Variants in CEACAM21 observed in about 807,000 individuals in gnomAD.
CEACAM21 encodes cell adhesion molecule CEACAM21.
Under a neutral mutation model 33.2 loss-of-function variants are expected in CEACAM21, and 38 were observed. That is an observed-to-expected ratio of 1.14 (90% CI 0.88 to 1.50). The LOEUF is 1.50. CEACAM21 is among the 40% of genes most tolerant of loss of function. The probability of loss-of-function intolerance (pLI) is 0.00; values close to 1 mark genes in which losing one functional copy is unlikely to be tolerated. For missense variants in CEACAM21, 385 were observed against 364.6 expected (o/e 1.06, Z -0.46); for synonymous variants, 156 against 143.0 (o/e 1.09, Z -0.65).
intron 1 of CEACAM21, among the ~76,000 whole-genome samples, chr19:41,563,519 T>A (rs1390635022): frequency 6.6e-6 from 1 of 152,198 alleles, no homozygotes; most frequent in Non-Finnish European, 1.5e-5. Context: ...AGGTCGCACA[T>A]GCAGAAGAGA....
chr19:41,562,789 C>T (rs2041973618), intron 1 of CEACAM21, among the ~76,000 whole-genome samples: 1 of 151,758 alleles, frequency 6.6e-6, no homozygotes, highest in Non-Finnish European at 1.5e-5. Context: ...AGTGCAGTGG[C>T]GCGATCTCGG....
intron 1 of CEACAM21, 81 bp downstream of exon 1, chr19:41,576,419 T>A (rs995604363): frequency 1.3e-5 from 19 of 1,445,464 alleles, no homozygotes; most frequent in Non-Finnish European, 1.8e-5. Context: ...GATGGGGCTC[T>A]GAGAGGAGAC....
chr19:41,566,059 T>C (rs1380976774), intron 2 of CEACAM21, among the ~76,000 whole-genome samples: 2 of 151,994 alleles, frequency 1.3e-5, no homozygotes, highest in East Asian at 3.8e-4. Context: ...GAATTAAAAT[T>C]GTAAACAGAA....
At chr19:41,550,246 A>G (rs1555783892) in intron 1 of CEACAM21, 2 of 152,248 alleles carry the variant, frequency 1.3e-5, no homozygotes, top group Non-Finnish European at 2.9e-5. Context: ...ATACCACTGG[A>G]AAACCTTAAA....
chr19:41,558,104 T>C (rs1198453294), intron 1 of CEACAM21, among the ~76,000 whole-genome samples: 4 of 152,170 alleles, frequency 2.6e-5, no homozygotes, highest in African/African-American at 9.7e-5. Context: ...TGCAATTCCT[T>C]TTTTCAGTGT....
chr19:41,566,643 G>T (rs1555788396), intron 2 of CEACAM21, among the ~76,000 whole-genome samples: 3 of 152,102 alleles, frequency 2.0e-5, no homozygotes, highest in Admixed American at 1.3e-4. Flanking sequence ...GTGTGGTTTT[G>T]GTATCATGCT....
At chr19:41,564,529 G>A (rs899194604) in intron 1 of CEACAM21, among the ~76,000 whole-genome samples, 4 of 152,110 alleles carry the variant, frequency 2.6e-5, no homozygotes, top group African/African-American at 4.8e-5. Flanking sequence ...AACGGTAGGA[G>A]TAGTGGAATT....
Position 41,577,575 on chromosome 19 carries a change from G to GT in CEACAM21, c.424+17dup. The stretch of plus-strand genomic sequence containing the variant: ...CGTGTATACGGTGAGTGATTCCTCC[G>GT]TGCCTCTGGGTGTTGGGGGTCAGTT... On this transcript the variant is annotated intron_variant, in intron 2 of 6. Transcript: ENST00000401445. 1 of 1,610,956 alleles carries GT rather than the reference G, an allele frequency of 6.2e-7. No homozygotes were observed. Among genetic ancestry groups the GT allele is most frequent in the Non-Finnish European group, 8.5e-7 (1 of 1,179,448 alleles).
chr19:41,549,725 A>G (rs1555783797), intron 1 of CEACAM21, among the ~76,000 whole-genome samples: 5 of 151,884 alleles, frequency 3.3e-5, no homozygotes. Flanking sequence ...GTTTCCCTCT[A>G]TTGCCCTGGC....
chr19:41,556,260 A>G (rs1291839632), intron 1 of CEACAM21, among the ~76,000 whole-genome samples: 1 of 152,268 alleles, frequency 6.6e-6, no homozygotes, highest in African/African-American at 2.4e-5. Context: ...CCAAGCACCT[A>G]TTTGTTTTAA....
At chr19:41,576,084 G>C (rs184847922), upstream of CEACAM21, 282 of 627,292 alleles carry the variant, frequency 4.5e-4, no homozygotes, top group African/African-American at 3.8e-3. Flanking sequence ...GACTGAGAGG[G>C]GAGGGGACAG....
At chr19:41,579,669 T>G in intron 3 of CEACAM21, 41 bp downstream of exon 3, 1 of 1,377,838 alleles carries the variant, frequency 7.3e-7, no homozygotes, top group Non-Finnish European at 9.8e-7. Context: ...TCCTTGTATA[T>G]TTTCCTAGGA....
chr19:41,560,717 G>T (rs1470501664), intron 1 of CEACAM21, among the ~76,000 whole-genome samples: 1 of 152,178 alleles, frequency 6.6e-6, no homozygotes, highest in Non-Finnish European at 1.5e-5. Context: ...GTGACTTAAA[G>T]AAAGTAAATC....
intron 1 of CEACAM21, among the ~76,000 whole-genome samples, chr19:41,553,080 T>G (rs887187777): frequency 5.9e-5 from 9 of 152,060 alleles, no homozygotes; most frequent in Non-Finnish European, 1.3e-4. Context: ...TACTATAGTT[T>G]CCAAAAGTTT....
chr19:41,577,246 T>C lies in CEACAM21; in HGVS notation c.111T>C (p.Phe37=), dbSNP rs2043017344. 1.9e-6 allele frequency: 3 copies of C among 1,614,034 alleles called. No individual in the cohort carries two copies. In the African/African-American group the frequency reaches 4.0e-5, roughly 22 times the overall value. Residue 37 remains phenylalanine (F), a synonymous_variant, in exon 2 of 7, where the codon TTT becomes TTC. Transcript: ENST00000401445. ...ACGCACCCACCACTGCCTGGCTCTT[T>C]ATTGCATCAGCGCCCTTTGAAGTTG... The part of the protein sequence containing the change: ...FWNAPTTAWL[F]IASAPFEVAE...
chr19:41,577,612 A>G (rs1311106131), intron 2 of CEACAM21, 53 bp downstream of exon 2: 3 of 1,602,376 alleles, frequency 1.9e-6, no homozygotes, highest in Non-Finnish European at 2.5e-6. Context: ...TGCTTCACAT[A>G]CGCAGGATTG....
At chr19:41,558,712 AAATT>A (rs1297465355) in intron 1 of CEACAM21, among the ~76,000 whole-genome samples, 1 of 152,198 alleles carries the variant, frequency 6.6e-6, no homozygotes, top group East Asian at 1.9e-4. Flanking sequence ...TCTAGTATAA[AAATT>A]AACAGAAGCT....
chr19:41,585,960 C>T, intron 6 of CEACAM21, 89 bp downstream of exon 6: 8 of 1,335,062 alleles, frequency 6.0e-6, no homozygotes, highest in Non-Finnish European at 8.5e-6. Context: ...CAGCACAAAC[C>T]CACCCTACCC....
At chr19:41,552,881 A>G (rs1248301915) in intron 1 of CEACAM21, among the ~76,000 whole-genome samples, 1 of 152,224 alleles carries the variant, frequency 6.6e-6, no homozygotes, top group Non-Finnish European at 1.5e-5. Context: ...TCTTCAGTTC[A>G]CAGGGCTTTA....
Sources: gnomAD v4.1 joint callset for allele counts (sites outside exome capture counted in the v4.1 genomes callset) on GRCh38, gnomAD v4.1.1 for gene constraint, MANE v1.5 for transcripts, NCBI Gene and HGNC (gene_info 2026-07-23, HGNC 2026-07-21) for gene names.